HIP1: variants seen among roughly 807,000 people sequenced by gnomAD.
HIP1 encodes huntingtin-interacting protein 1.
HIP1 carries 65 observed loss-of-function variants against 147.6 expected under a neutral mutation model. The observed-to-expected ratio is 0.44, with a 90% CI of 0.36 to 0.54. The LOEUF (loss-of-function observed/expected upper bound fraction) is 0.54, where lower values mean the gene tolerates loss of function less well. HIP1 is among the 20% of genes least tolerant of loss of function. HIP1 has a pLI of 0.00. For missense variants in HIP1, 1,061 were observed against 1,299.6 expected, an observed-to-expected ratio of 0.82 and a Z score of 2.82; for synonymous variants, 479 against 504.0, an observed-to-expected ratio of 0.95 and a Z score of 0.67.
At chr7:75,719,452 C>T (rs1463900334) in intron 1 of HIP1, among the ~76,000 whole-genome samples, 6 of 150,434 alleles carry the variant, frequency 4.0e-5, no homozygotes, top group East Asian at 1.9e-4. Flanking sequence ...TGTAGTGAAC[C>T]GAGATCATGC....
rs140379898 is a variant in HIP1 at position 75,621,599 on chromosome 7, T to C, written c.121-22352A>G. Among the ~76,000 whole-genome samples, 197 of 152,232 alleles carry C rather than the reference T, an allele frequency of 1.3e-3. 1 individual carries two copies. Among genetic ancestry groups the C allele is most frequent in the South Asian group, 8.1e-3 (39 of 4,826 alleles). On this transcript the variant is annotated intron_variant, in intron 1 of 30. Coordinates refer to ENST00000336926, the MANE Select transcript of HIP1 (RefSeq NM_005338.7). ...AAAGCGGTAAAACGATCTGATTCAATAGGATCCCTCTGGCTGCTGTGCTGA... is the reference window on the plus strand; with the variant it reads ...AAAGCGGTAAAACGATCTGATTCAACAGGATCCCTCTGGCTGCTGTGCTGA...
At chr7:75,599,294 CCT>C (rs1796883578) in intron 1 of HIP1, 47 bp from the exon 2 acceptor site, 1 of 1,449,658 alleles carries the variant, frequency 6.9e-7, no homozygotes, top group South Asian at 1.1e-5. Flanking sequence ...GATGAATAAG[CCT>C]CTGAGAGTGG....
chr7:75,600,645 T>C (rs1213667699), intron 1 of HIP1, among the ~76,000 whole-genome samples: 1 of 152,190 alleles, frequency 6.6e-6, no homozygotes, highest in Non-Finnish European at 1.5e-5. Context: ...ATTTTGCCAT[T>C]GTTCTACAAA....
chr7:75,641,186 A>G (rs1798639531), intron 1 of HIP1, among the ~76,000 whole-genome samples: 1 of 151,986 alleles, frequency 6.6e-6, no homozygotes, highest in Admixed American at 6.6e-5. Flanking sequence ...CACACCTGCA[A>G]TCCCAGCCAC....
chr7:75,627,968 T>C (rs1798100027), intron 1 of HIP1, among the ~76,000 whole-genome samples: 1 of 152,158 alleles, frequency 6.6e-6, no homozygotes, highest in Non-Finnish European at 1.5e-5. Context: ...GTACACACCA[T>C]GAACAGGGGT....
At chr7:75,573,235 G>A (rs1028337799) in intron 8 of HIP1, among the ~76,000 whole-genome samples, 4 of 152,094 alleles carry the variant, frequency 2.6e-5, no homozygotes, top group African/African-American at 9.7e-5. Flanking sequence ...TCTCTGCTGA[G>A]GCTTCAGAGA....
intron 1 of HIP1, among the ~76,000 whole-genome samples, chr7:75,633,366 T>C (rs1179630): frequency 0.49 from 73,685 of 151,892 alleles, 18,594 homozygotes; most frequent in African/African-American, 0.63. Flanking sequence ...GATCTCAGCT[T>C]ACTGCAACCT....
intron 8 of HIP1, among the ~76,000 whole-genome samples, chr7:75,569,435 T>A (rs1163179191): frequency 6.6e-6 from 1 of 151,920 alleles, no homozygotes; most frequent in Non-Finnish European, 1.5e-5. Context: ...GAGACCCCCA[T>A]CTCTACAAAA....
chr7:75,726,505 G>A (rs1239673240), intron 1 of HIP1, among the ~76,000 whole-genome samples: 4 of 151,826 alleles, frequency 2.6e-5, no homozygotes, highest in East Asian at 1.9e-4. Flanking sequence ...GGCTGATCTC[G>A]AACTCTTGAC....
chr7:75,600,259 C>A (rs1796925519), intron 1 of HIP1, among the ~76,000 whole-genome samples: 1 of 151,770 alleles, frequency 6.6e-6, no homozygotes, highest in South Asian at 2.1e-4. Flanking sequence ...TACAGGTGTG[C>A]ACTACCATGC....
In HIP1 at chr7:75,538,190, C is replaced by T; in HGVS notation, c.3096G>A (p.Val1032=). The change falls in exon 31 of 31, where the codon GTG becomes GTA. Residue 1032 remains valine, a synonymous_variant. Transcript: ENST00000336926. ...TEASPPTLQE[V]VTEKE ...TTTGGCTCTATTCTTTTTCGGTTAC[C>T]ACTTCTTGCAGTGTAGGTGGAGATG... 1 of 1,612,914 alleles carries T rather than the reference C, an allele frequency of 6.2e-7. No individual in the cohort carries two copies. The highest frequency in any genetic ancestry group is 1.1e-5 in the South Asian group (1 of 91,022).
chr7:75,544,682 AG>A lies in HIP1; in HGVS notation c.2766+12del. 1 of 1,554,770 alleles carries A rather than the reference AG, an allele frequency of 6.4e-7. No individual in the cohort carries two copies. Among genetic ancestry groups the A allele is most frequent in the Non-Finnish European group, 8.9e-7 (1 of 1,125,882 alleles). ...GGCCTTCCAGCGTCCTAGGAGGTCC[AG>A]CCAGGTCCTACCTTGGATGCAGCCA... On this transcript the variant is annotated intron_variant, in intron 27 of 30. Transcript: ENST00000336926.
At chr7:75,734,489 A>T (rs1554523418) in intron 1 of HIP1, among the ~76,000 whole-genome samples, 1 of 152,114 alleles carries the variant, frequency 6.6e-6, no homozygotes, top group African/African-American at 2.4e-5. Flanking sequence ...CCTGTGGCCC[A>T]GGGCTGAACT....
chr7:75,587,772 T>A (rs1461644983), intron 4 of HIP1, among the ~76,000 whole-genome samples: 2 of 152,142 alleles, frequency 1.3e-5, no homozygotes, highest in African/African-American at 2.4e-5. Flanking sequence ...GAGACCAGCC[T>A]GGCCAACATG....
chr7:75,688,444 T>G (rs1397123847), intron 1 of HIP1, among the ~76,000 whole-genome samples: 1 of 150,562 alleles, frequency 6.6e-6, no homozygotes, highest in African/African-American at 2.4e-5. Context: ...GGGGATGAGC[T>G]GTCGGTGGAG....
chr7:75,561,691 G>T (rs1554494581), intron 12 of HIP1, among the ~76,000 whole-genome samples: 1 of 152,222 alleles, frequency 6.6e-6, no homozygotes, highest in African/African-American at 2.4e-5. Context: ...CGCCCAGGCT[G>T]AAGTGTAGTG....
chr7:75,563,046 G>A lies in HIP1; in HGVS notation c.909C>T (p.Ala303=), dbSNP rs368435923. The A allele has an allele frequency of 6.2e-7, 1 of 1,614,060 alleles. No homozygotes were observed. The highest frequency in any genetic ancestry group is 1.3e-5 in the African/African-American group (1 of 74,924). The stretch of plus-strand genomic sequence containing the variant: ...CCACAGGGCTGATATGTTCTGACAG[G>A]GCTGAGGCTCGCAGGAAGTTGGGTG... ...ENPPNFLRAS[A]LSEHISPVVV... The change falls in exon 11 of 31, where the codon GCC becomes GCT. Residue 303 remains alanine, a synonymous_variant. Coordinates refer to ENST00000336926, the MANE Select transcript of HIP1 (RefSeq NM_005338.7).
chr7:75,722,755 AT>A (rs1317219677), intron 1 of HIP1, among the ~76,000 whole-genome samples: 1 of 152,068 alleles, frequency 6.6e-6, no homozygotes, highest in South Asian at 2.1e-4. Context: ...ATAAAAAAAA[AT>A]TTTTTTTAAG....
intron 2 of HIP1, among the ~76,000 whole-genome samples, chr7:75,594,195 G>C (rs1256208002): frequency 2.6e-5 from 4 of 151,670 alleles, no homozygotes; most frequent in African/African-American, 9.7e-5. Flanking sequence ...CAGGAGAATT[G>C]CTTGAACCCG....
Sources: allele counts gnomAD v4.1 joint callset (sites outside exome capture counted in the v4.1 genomes callset), GRCh38; gene constraint gnomAD v4.1.1; transcripts MANE v1.5; gene names NCBI Gene and HGNC (gene_info 2026-07-23, HGNC 2026-07-21).